CNTNAP2: variants seen among roughly 807,000 people sequenced by gnomAD.
The protein encoded by CNTNAP2 is contactin-associated protein-like 2.
Under a neutral mutation model 155.2 loss-of-function variants are expected in CNTNAP2, and 98 were observed. That is an observed-to-expected ratio of 0.63 (90% CI 0.54 to 0.75). CNTNAP2 has a LOEUF of 0.75. Among genes scored for constraint, CNTNAP2 ranks in the 30% least tolerant of loss-of-function variants. The pLI, the probability that CNTNAP2 is intolerant of heterozygous loss-of-function variation, is 0.00. For synonymous variants in CNTNAP2, 651 were observed against 631.2 expected, an observed-to-expected ratio of 1.03 and a Z score of -0.47; for missense variants, 1,727 against 1,688.1, an observed-to-expected ratio of 1.02 and a Z score of -0.40.
At chr7:147,205,529 A>G (rs1032510316) in intron 8 of CNTNAP2, among the ~76,000 whole-genome samples, 3 of 152,114 alleles carry the variant, frequency 2.0e-5, no homozygotes, top group African/African-American at 7.2e-5. Flanking sequence ...TTCAATTTCT[A>G]ATATAATATT....
At chr7:147,086,608 T>A (rs1460386357) in intron 4 of CNTNAP2, among the ~76,000 whole-genome samples, 4 of 152,034 alleles carry the variant, frequency 2.6e-5, no homozygotes, top group East Asian at 1.9e-4. Flanking sequence ...TAATATTTTT[T>A]AAATTATTTC....
intron 1 of CNTNAP2, among the ~76,000 whole-genome samples, chr7:146,318,712 C>T (rs756761094): frequency 6.6e-6 from 1 of 151,958 alleles, no homozygotes; most frequent in Non-Finnish European, 1.5e-5. Context: ...ACCATTACTC[C>T]TCAAATGGAG....
intron 1 of CNTNAP2, among the ~76,000 whole-genome samples, chr7:146,317,528 A>G (rs1411430990): frequency 6.6e-6 from 1 of 152,200 alleles, no homozygotes; most frequent in African/African-American, 2.4e-5. Flanking sequence ...TGATCTGGAA[A>G]CTACTGATTT....
At chr7:147,936,422 G>A (rs1027964553) in intron 14 of CNTNAP2, among the ~76,000 whole-genome samples, 2 of 151,714 alleles carry the variant, frequency 1.3e-5, no homozygotes, top group Non-Finnish European at 2.9e-5. Context: ...GAGAAAAACT[G>A]GTTATAAAAG....
At chr7:146,904,558 G>C (rs1312167765) in intron 3 of CNTNAP2, among the ~76,000 whole-genome samples, 1 of 152,036 alleles carries the variant, frequency 6.6e-6, no homozygotes, top group South Asian at 2.1e-4. Flanking sequence ...TGCAAGCTGC[G>C]CCTCCCAGGT....
At chr7:147,450,504 A>T (rs895586989) in intron 10 of CNTNAP2, among the ~76,000 whole-genome samples, 2 of 152,166 alleles carry the variant, frequency 1.3e-5, no homozygotes, top group Non-Finnish European at 2.9e-5. Context: ...TGGACTCCTG[A>T]CCTATAGAAA....
intron 21 of CNTNAP2, among the ~76,000 whole-genome samples, chr7:148,334,121 T>G (rs1362957563): frequency 1.3e-5 from 2 of 152,234 alleles, no homozygotes; most frequent in Admixed American, 1.3e-4. Context: ...ATCCCCATCC[T>G]AATGAATGGC....
At chr7:147,587,217 C>T (rs1411170143) in intron 12 of CNTNAP2, among the ~76,000 whole-genome samples, 1 of 152,162 alleles carries the variant, frequency 6.6e-6, no homozygotes, top group Non-Finnish European at 1.5e-5. Flanking sequence ...TGTGAATTAG[C>T]GTCGTGAATA....
chr7:146,926,085 T>C (rs1219754599), intron 3 of CNTNAP2, among the ~76,000 whole-genome samples: 1 of 152,174 alleles, frequency 6.6e-6, no homozygotes, highest in Non-Finnish European at 1.5e-5. Context: ...AATACTCAAA[T>C]GCTTATAGTA....
chr7:146,136,587 C>T (rs1422349822), intron 1 of CNTNAP2, among the ~76,000 whole-genome samples: 1 of 152,034 alleles, frequency 6.6e-6, no homozygotes, highest in African/African-American at 2.4e-5. Context: ...AGAGTTCATG[C>T]TGTGCTCTCT....
chr7:146,907,537 A>T (rs1227575954), intron 3 of CNTNAP2, among the ~76,000 whole-genome samples: 2 of 137,032 alleles, frequency 1.5e-5, no homozygotes, highest in Non-Finnish European at 3.1e-5. Context: ...AGAATTTCAT[A>T]TCCAGCCAAA....
intron 10 of CNTNAP2, among the ~76,000 whole-genome samples, chr7:147,423,844 C>A (rs143254536): frequency 1.3e-5 from 2 of 152,202 alleles, no homozygotes; most frequent in Non-Finnish European, 2.9e-5. Context: ...GTCTTGTTCA[C>A]TCATGTGCTC....
At chr7:147,801,001 C>A (rs1274374688) in intron 13 of CNTNAP2, among the ~76,000 whole-genome samples, 1 of 152,302 alleles carries the variant, frequency 6.6e-6, no homozygotes, top group East Asian at 1.9e-4. Context: ...CTATGATGGT[C>A]ATACAATGAC....
chr7:146,800,244 T>C (rs1802850405), intron 2 of CNTNAP2, among the ~76,000 whole-genome samples: 1 of 152,016 alleles, frequency 6.6e-6, no homozygotes, highest in South Asian at 2.1e-4. Context: ...ACAATCAGAT[T>C]TGAAATGCCA....
chr7:146,815,807 C>T (rs564483691), intron 2 of CNTNAP2, among the ~76,000 whole-genome samples: 28 of 152,110 alleles, frequency 1.8e-4, no homozygotes, highest in African/African-American at 3.9e-4. Context: ...ATGTGCACAA[C>T]GTGCAGGTTT....
intron 16 of CNTNAP2, among the ~76,000 whole-genome samples, chr7:148,141,062 C>G (rs1041321904): frequency 1.3e-5 from 2 of 152,192 alleles, no homozygotes; most frequent in Non-Finnish European, 2.9e-5. Context: ...TAACAAAATG[C>G]AGACTCCAAA....
At chr7:147,808,217 G>C (rs1274484767) in intron 13 of CNTNAP2, among the ~76,000 whole-genome samples, 1 of 152,058 alleles carries the variant, frequency 6.6e-6, no homozygotes, top group African/African-American at 2.4e-5. Context: ...TTTGCAATTT[G>C]TTAGCTGAGA....
chr7:147,994,369 CAAAA>C (rs71527864), intron 15 of CNTNAP2, among the ~76,000 whole-genome samples: 2 of 132,342 alleles, frequency 1.5e-5, no homozygotes. Context: ...AGACCTGTCT[CAAAA>C]AAAAAAAAAA....
intron 21 of CNTNAP2, among the ~76,000 whole-genome samples, chr7:148,310,121 A>G (rs1165934916): frequency 1.3e-5 from 2 of 152,176 alleles, no homozygotes; most frequent in African/African-American, 4.8e-5. Context: ...GAATAAGAGA[A>G]GGAGAAAAAC....
Sources: gnomAD v4.1 joint callset for allele counts (sites outside exome capture counted in the v4.1 genomes callset) on GRCh38, gnomAD v4.1.1 for gene constraint, MANE v1.5 for transcripts, NCBI Gene and HGNC (gene_info 2026-07-23, HGNC 2026-07-21) for gene names.